PIK3AP1: variants seen among roughly 807,000 people sequenced by gnomAD.
PIK3AP1 encodes phosphoinositide 3-kinase adapter protein 1.
Under a neutral mutation model 88.1 loss-of-function variants are expected in PIK3AP1, and 21 were observed. The observed-to-expected ratio is 0.24, with a 90% CI of 0.17 to 0.34. The LOEUF (loss-of-function observed/expected upper bound fraction) is 0.34, where lower values mean the gene tolerates loss of function less well. Among genes scored for constraint, PIK3AP1 ranks in the 10% least tolerant of loss-of-function variants. The probability of loss-of-function intolerance (pLI) is 1.00; values close to 1 mark genes in which losing one functional copy is unlikely to be tolerated. For missense variants in PIK3AP1, 828 were observed against 1,035.7 expected (o/e 0.80, Z 2.75); for synonymous variants, 398 against 400.0 (o/e 1.00, Z 0.06).
At chr10:96,695,747 T>TA (rs534261749) in intron 2 of PIK3AP1, among the ~76,000 whole-genome samples, 6,697 of 143,298 alleles carry the variant, frequency 0.047, 242 homozygotes, top group African/African-American at 0.11. Flanking sequence ...TGCTCTCCTT[T>TA]AAAAAAAAAA....
At chr10:96,691,070 C>T (rs1438662220) in intron 2 of PIK3AP1, among the ~76,000 whole-genome samples, 2 of 152,162 alleles carry the variant, frequency 1.3e-5, no homozygotes, top group Non-Finnish European at 2.9e-5. Flanking sequence ...GCACCCGTTC[C>T]CTGCCCATAG....
intron 8 of PIK3AP1, among the ~76,000 whole-genome samples, chr10:96,641,127 G>GTGCA (rs1843383427): frequency 6.8e-6 from 1 of 147,554 alleles, no homozygotes; most frequent in Non-Finnish European, 1.5e-5. Flanking sequence ...GTGTGTGTGC[G>GTGCA]TGTGCATGTA....
rs59631566 is a variant in PIK3AP1, at chr10:96,687,255, C to CAAAA, written c.430+22308_430+22311dup. Among the ~76,000 whole-genome samples the CAAAA allele has an allele frequency of 1.6e-3, 86 of 55,340 alleles. 2 individuals are homozygous for CAAAA. The highest frequency in any genetic ancestry group is 3.4e-3 in the African/African-American group (45 of 13,212). The allele number at this position is 55,340 out of a possible 152,430, so 36.3% of individuals were successfully genotyped here. On this transcript the variant is annotated intron_variant, in intron 2 of 16. Coordinates refer to ENST00000339364, the MANE Select transcript of PIK3AP1 (RefSeq NM_152309.3). The stretch of plus-strand genomic sequence containing the variant: ...TGGGCAAAAGAGCGATACTCCATCT[C>CAAAA]AAAAAAAAAAAAAAAAAAAAAAAAA...
chr10:96,600,643 C>T (rs1188480609), intron 16 of PIK3AP1, among the ~76,000 whole-genome samples: 1 of 152,178 alleles, frequency 6.6e-6, no homozygotes, highest in Non-Finnish European at 1.5e-5. Flanking sequence ...TGGAAAGATC[C>T]TTAGCACAGA....
intron 8 of PIK3AP1, among the ~76,000 whole-genome samples, chr10:96,642,131 A>T (rs1273744093): frequency 2.6e-5 from 4 of 152,142 alleles, no homozygotes; most frequent in African/African-American, 9.7e-5. Flanking sequence ...AACTGGGGAA[A>T]TGAAAAATGT....
chr10:96,644,965 G>C (rs1468634119), intron 8 of PIK3AP1, among the ~76,000 whole-genome samples: 1 of 152,006 alleles, frequency 6.6e-6, no homozygotes, highest in African/African-American at 2.4e-5. Context: ...TGAAGCCGTT[G>C]ACCGTGATTC....
chr10:96,691,151 T>C (rs905747105), intron 2 of PIK3AP1, among the ~76,000 whole-genome samples: 4 of 152,088 alleles, frequency 2.6e-5, no homozygotes, highest in African/African-American at 9.7e-5. Flanking sequence ...AGCAATACAT[T>C]AGCCTTTCAA....
intron 8 of PIK3AP1, among the ~76,000 whole-genome samples, chr10:96,637,313 A>ATCACTC (rs1554956462): frequency 5.7e-5 from 4 of 69,898 alleles, no homozygotes; most frequent in Admixed American, 3.1e-4. Flanking sequence ...GAGATATACA[A>ATCACTC]TCACACACAC....
In PIK3AP1 at chr10:96,645,570, G is replaced by A. The variant is rs867815906; in HGVS notation, c.1278C>T (p.Ser426=). 1 of 1,613,884 alleles carries A rather than the reference G, an allele frequency of 6.2e-7. No individual in the cohort carries two copies. Among genetic ancestry groups the A allele is most frequent in the Non-Finnish European group, 8.5e-7 (1 of 1,179,974 alleles). Reference sequence around the variant, plus strand: ...GCGAGCATTTCATAAGCAGGTCTGTGGAAAGGTGGGCCATGGACTCGTACA... The same window carrying A: ...GCGAGCATTTCATAAGCAGGTCTGTAGAAAGGTGGGCCATGGACTCGTACA... The part of the protein sequence containing the change: ...DAVYESMAHL[S]TDLLMKCSLN... The change falls in exon 8 of 17, where the codon TCC becomes TCT. Residue 426 remains serine, a synonymous_variant. Transcript: ENST00000339364.
chr10:96,715,203 A>T (rs1278368692), intron 1 of PIK3AP1, among the ~76,000 whole-genome samples: 1 of 152,124 alleles, frequency 6.6e-6, no homozygotes, highest in African/African-American at 2.4e-5. Context: ...TATGGGAAAA[A>T]ATATCATACA....
intron 1 of PIK3AP1, 101 bp from the exon 2 acceptor site, chr10:96,710,084 C>T: frequency 8.3e-7 from 1 of 1,205,394 alleles, no homozygotes; most frequent in South Asian, 1.5e-5. Context: ...GGGTCTGGCA[C>T]CCACAATCTT....
intron 8 of PIK3AP1, among the ~76,000 whole-genome samples, chr10:96,641,676 C>T (rs1050315424): frequency 4.6e-5 from 7 of 152,110 alleles, no homozygotes; most frequent in East Asian, 1.9e-4. Flanking sequence ...CCTGGGAATT[C>T]GAAGACACAG....
chr10:96,699,373 T>C (rs1844263401), intron 2 of PIK3AP1, among the ~76,000 whole-genome samples: 1 of 152,198 alleles, frequency 6.6e-6, no homozygotes, highest in Non-Finnish European at 1.5e-5. Context: ...ATGTAAAATA[T>C]CTCAGTAATT....
At chr10:96,717,257 C>CAAA (rs1325729375) in intron 1 of PIK3AP1, among the ~76,000 whole-genome samples, 38 of 93,398 alleles carry the variant, frequency 4.1e-4, no homozygotes, top group African/African-American at 1.3e-3. Context: ...GACTCCGTCT[C>CAAA]AAAAAAAAAA....
intron 9 of PIK3AP1, among the ~76,000 whole-genome samples, chr10:96,627,701 A>G (rs1843173698): frequency 6.6e-6 from 1 of 152,228 alleles, no homozygotes; most frequent in Admixed American, 6.5e-5. Flanking sequence ...AGAATTACCC[A>G]CGCAATTTAA....
intron 8 of PIK3AP1, among the ~76,000 whole-genome samples, chr10:96,638,161 T>C (rs1843337465): frequency 6.6e-6 from 1 of 152,218 alleles, no homozygotes; most frequent in Non-Finnish European, 1.5e-5. Flanking sequence ...TTTCATGTGT[T>C]GGAAACTTAA....
At chr10:96,642,368 G>T (rs185148475) in intron 8 of PIK3AP1, among the ~76,000 whole-genome samples, 1 of 142,220 alleles carries the variant, frequency 7.0e-6, no homozygotes, top group East Asian at 2.1e-4. Context: ...AGTGGTTACA[G>T]GGAGCTGAGA....
At chr10:96,699,822 G>A (rs1844271762) in intron 2 of PIK3AP1, among the ~76,000 whole-genome samples, 1 of 152,136 alleles carries the variant, frequency 6.6e-6, no homozygotes. Context: ...TCTTTAAAAC[G>A]GAAATAACAT....
intron 2 of PIK3AP1, among the ~76,000 whole-genome samples, chr10:96,688,926 T>G (rs1844113610): frequency 6.6e-6 from 1 of 152,008 alleles, no homozygotes; most frequent in African/African-American, 2.4e-5. Flanking sequence ...GATCTACATG[T>G]GCTTATCTCT....
Sources: allele counts gnomAD v4.1 joint callset (sites outside exome capture counted in the v4.1 genomes callset), GRCh38; gene constraint gnomAD v4.1.1; transcripts MANE v1.5; gene names NCBI Gene and HGNC (gene_info 2026-07-23, HGNC 2026-07-21).